The following KANTR variants were observed in gnomAD, a reference collection of about 807,000 sequenced individuals.
KANTR encodes the protein KDM5C adjacent transcript.
intron 2 of KANTR, among the ~76,000 whole-genome samples, chrX:53,139,883 G>A (rs1326784678): frequency 9.0e-6 from 1 of 110,724 alleles, no homozygotes; most frequent in Admixed American, 9.6e-5. Context: ...GGAAGGGGAA[G>A]GACAAAAGAA....
At chrX:53,100,500 A>G (rs145685782) in intron 2 of KANTR, among the ~76,000 whole-genome samples, 3,081 of 95,313 alleles carry the variant, frequency 0.032, 47 homozygotes, top group Middle Eastern at 0.062. Context: ...AAAGAAAAGA[A>G]AAAAAAGAAA....
intron 2 of KANTR, among the ~76,000 whole-genome samples, chrX:53,102,532 G>A (rs1386131054): frequency 1.8e-5 from 2 of 112,238 alleles, no homozygotes; most frequent in African/African-American, 3.2e-5. Context: ...TATGTCTTCA[G>A]TGCTTCCTAT....
intron 2 of KANTR, among the ~76,000 whole-genome samples, chrX:53,122,899 T>A (rs1933245414): frequency 9.0e-6 from 1 of 111,392 alleles, no homozygotes; most frequent in Admixed American, 9.6e-5. Flanking sequence ...AGGCTGTTCT[T>A]ATTGGCTTTT....
chrX:53,144,359 C>T (rs1354957594), downstream of KANTR, among the ~76,000 whole-genome samples: 1 of 111,487 alleles, frequency 9.0e-6, no homozygotes, highest in Non-Finnish European at 1.9e-5. Context: ...TGTGCCACTG[C>T]ACTCCAGCCT....
intron 1 of KANTR, chrX:53,094,647 G>A (rs963468437): frequency 1.8e-5 from 2 of 111,548 alleles, no homozygotes; most frequent in African/African-American, 6.5e-5. Context: ...CACTTTTTGA[G>A]ACGTAGTAGA....
intron 2 of KANTR, among the ~76,000 whole-genome samples, chrX:53,100,209 G>A (rs938937881): frequency 8.9e-6 from 1 of 112,316 alleles, no homozygotes; most frequent in African/African-American, 3.2e-5. Context: ...GGCCAGGTGC[G>A]GTGGCTCACG....
In KANTR at chrX:53,120,967, C is replaced by G. The variant is rs9887627; in HGVS notation, c.-804-2502C>G. On this transcript the variant is annotated intron_variant, in intron 2 of 2. Coordinates refer to ENST00000604062, the Ensembl canonical transcript of KANTR. ...GAACTCCTGACCTCAAATGATCCACCCGCTTCAGCCTCCCAAGGTGTTGTT... is the reference window on the plus strand; with the variant it reads ...GAACTCCTGACCTCAAATGATCCACGCGCTTCAGCCTCCCAAGGTGTTGTT... Among the ~76,000 whole-genome samples the G allele has an allele frequency of 6.3e-3, 678 of 107,883 alleles. 4 individuals are homozygous for G. The highest frequency in any genetic ancestry group is 0.022 in the African/African-American group (649 of 29,517). 93.7% of individuals were successfully genotyped at this position (107,883 alleles called of 115,157 possible).
At chrX:53,110,329 T>C (rs1054605324) in intron 2 of KANTR, among the ~76,000 whole-genome samples, 1 of 111,289 alleles carries the variant, frequency 9.0e-6, no homozygotes, top group African/African-American at 3.3e-5. Flanking sequence ...TTCTCCTATG[T>C]CTAGTTTTTT....
intron 2 of KANTR, among the ~76,000 whole-genome samples, chrX:53,120,851 G>A (rs954161286): frequency 9.2e-6 from 1 of 109,255 alleles, no homozygotes; most frequent in Non-Finnish European, 1.9e-5. Context: ...CTTCCCAGTA[G>A]CTGGGATTAC....
intron 2 of KANTR, among the ~76,000 whole-genome samples, chrX:53,109,758 C>CTTTTT (rs34763193): frequency 1.0e-5 from 1 of 96,510 alleles, no homozygotes; most frequent in Non-Finnish European, 2.1e-5. Flanking sequence ...TTTTTTCTTT[C>CTTTTT]TTTTTTTTTT....
intron 2 of KANTR, among the ~76,000 whole-genome samples, chrX:53,104,300 C>T (rs1932920242): frequency 1.8e-5 from 2 of 110,574 alleles, no homozygotes; most frequent in Non-Finnish European, 3.8e-5. Flanking sequence ...AATCTCGGCT[C>T]ACTGCAACTT....
At chrX:53,137,042 A>AT (rs782178220) in intron 2 of KANTR, among the ~76,000 whole-genome samples, 3 of 109,715 alleles carry the variant, frequency 2.7e-5, no homozygotes, top group African/African-American at 9.9e-5. Context: ...ACCTGGCCAC[A>AT]TTAGTATACT....
At chrX:53,120,363 C>G (rs1419465845) in intron 2 of KANTR, among the ~76,000 whole-genome samples, 2 of 111,820 alleles carry the variant, frequency 1.8e-5, no homozygotes, top group Non-Finnish European at 3.8e-5. Context: ...AAACACATTT[C>G]AGAATCAGCT....
chrX:53,137,081 G>A (rs1467191662), intron 2 of KANTR, among the ~76,000 whole-genome samples: 2 of 109,689 alleles, frequency 1.8e-5, no homozygotes, highest in African/African-American at 3.3e-5. Context: ...CATTCTAAGT[G>A]GCCCTAGGAT....
chrX:53,121,029 C>T (rs368630494), intron 2 of KANTR, among the ~76,000 whole-genome samples: 4 of 109,706 alleles, frequency 3.6e-5, no homozygotes, highest in African/African-American at 1.0e-4. Flanking sequence ...GATGGAGTCT[C>T]GCTCTGTCTC....
At chrX:53,124,629 G>T (rs1236058335) in exon 3 of KANTR, 1 of 288,887 alleles carries the variant, frequency 3.5e-6, no homozygotes, top group Admixed American at 6.3e-5. Context: ...TTTCATTATT[G>T]CTCAGTTATA....
At chrX:53,118,220 A>G (rs1207482825) in intron 2 of KANTR, among the ~76,000 whole-genome samples, 3 of 111,956 alleles carry the variant, frequency 2.7e-5, no homozygotes, top group African/African-American at 9.7e-5. Flanking sequence ...TCGGCTTGAC[A>G]GGATTATGCC....
chrX:53,143,936 C>T (rs782305995), downstream of KANTR: 80 of 327,952 alleles, frequency 2.4e-4, no homozygotes, highest in Non-Finnish European at 3.9e-4. Context: ...AAGAGCAGGG[C>T]GGTGGAGCCA....
At position 53,124,267 on chromosome X, in the gene KANTR, G is replaced by GT. The variant is rs1556815913; in HGVS notation, c.-5dup. The GT allele has an allele frequency of 6.8e-6, 2 of 294,917 alleles. No individual in the cohort carries two copies. The highest frequency in any genetic ancestry group is 1.2e-5 in the Non-Finnish European group (2 of 169,584). The allele number at this position is 294,917 out of a possible 1,213,427, so 24.3% of individuals were successfully genotyped here. On this transcript the variant is annotated 5_prime_UTR_variant, in exon 3 of 3. An upstream open reading frame in the 5' UTR gains an earlier in-frame stop. Transcript: ENST00000604062. ...TTTTATTCTGTGCTGTGTATGAACT[G>GT]TAACAATGTCTCCTTTTTCATTACT...
Sources: allele counts gnomAD v4.1 joint callset (sites outside exome capture counted in the v4.1 genomes callset), GRCh38; gene constraint gnomAD v4.1.1; transcripts MANE v1.5; gene names NCBI Gene and HGNC (gene_info 2026-07-23, HGNC 2026-07-21).